Variants in NRXN1 observed in about 807,000 individuals in gnomAD.
NRXN1 encodes neurexin-1.
A neutral mutation model predicts 150.9 loss-of-function variants in NRXN1; 39 were observed. The observed-to-expected ratio is 0.26, with a 90% confidence interval of 0.20 to 0.34. NRXN1 has a LOEUF of 0.34. Among genes scored for constraint, NRXN1 ranks in the 10% least tolerant of loss-of-function variants. The pLI is 1.00. For synonymous variants in NRXN1, 924 were observed against 757.0 expected (o/e 1.22, Z -3.62); for missense variants, 1,815 against 1,949.9 (o/e 0.93, Z 1.30).
chr2:50,951,079 A>C (rs1691249964), intron 2 of NRXN1, among the ~76,000 whole-genome samples: 1 of 152,194 alleles, frequency 6.6e-6, no homozygotes, highest in East Asian at 1.9e-4. Flanking sequence ...CTGGGAATTA[A>C]TGTATTAGAT....
At chr2:50,922,270 TA>T (rs1241869035) in intron 4 of NRXN1, among the ~76,000 whole-genome samples, 1 of 151,874 alleles carries the variant, frequency 6.6e-6, no homozygotes, top group Non-Finnish European at 1.5e-5. Context: ...AAAATGGACT[TA>T]TTTTTTGGAT....
rs567844236 is a variant in NRXN1 at position 50,853,691 on chromosome 2, A to AC, written c.832+68177dup. Among the ~76,000 whole-genome samples, 12 of 152,216 alleles carry AC rather than the reference A, an allele frequency of 7.9e-5. No homozygotes were observed. The South Asian group carries it at 2.5e-3, about 32-fold the overall frequency. On this transcript the variant is annotated intron_variant, in intron 5 of 22. Coordinates refer to ENST00000401669, the MANE Select transcript of NRXN1 (RefSeq NM_001330078.2). ...ACTCAGATGTCTAGCTTTCCCTGCA[A>AC]CCATGCATATCCCTTACTGGATAAA... is the stretch of plus-strand genomic sequence containing the variant.
chr2:50,999,715 G>A (rs748041978), intron 2 of NRXN1, among the ~76,000 whole-genome samples: 7 of 151,924 alleles, frequency 4.6e-5, no homozygotes, highest in Non-Finnish European at 1.0e-4. Flanking sequence ...CAAACATTTT[G>A]GAGCCATCTC....
chr2:49,948,717 T>C (rs963897469), intron 21 of NRXN1, among the ~76,000 whole-genome samples: 2 of 151,990 alleles, frequency 1.3e-5, no homozygotes, highest in African/African-American at 4.8e-5. Flanking sequence ...TGCTATGACT[T>C]GCTGTTGAGA....
At chr2:50,011,011 T>G (rs1017176033) in intron 21 of NRXN1, among the ~76,000 whole-genome samples, 3 of 152,198 alleles carry the variant, frequency 2.0e-5, no homozygotes, top group Admixed American at 1.3e-4. Context: ...TATTTGTTTT[T>G]CCAAAATTAT....
chr2:50,347,552 CG>C lies in NRXN1; in HGVS notation c.3365-110583del, dbSNP rs1419121946. ...GCGCCAGCCTCCCCCGGGCAGCGCGCGGAGCAGCGGCGCGCATCGCCTGCTC... is the reference window on the plus strand; with the variant it reads ...GCGCCAGCCTCCCCCGGGCAGCGCGCGAGCAGCGGCGCGCATCGCCTGCTC... On this transcript the variant is annotated intron_variant, in intron 17 of 22. Transcript: ENST00000401669. The surrounding 1 kb of genome is among the most constrained non-coding windows in gnomAD (Gnocchi z 4.9). 3.9e-6 allele frequency: 4 copies of C among 1,027,244 alleles called. No individual in the cohort carries two copies. Among genetic ancestry groups the C allele is most frequent in the Non-Finnish European group, 4.7e-6 (4 of 854,958 alleles). The allele number at this position is 1,027,244 out of a possible 1,614,324, so 63.6% of individuals were successfully genotyped here.
intron 2 of NRXN1, among the ~76,000 whole-genome samples, chr2:50,935,402 G>T (rs529378282): frequency 1.3e-5 from 2 of 152,208 alleles, no homozygotes; most frequent in East Asian, 3.9e-4. Flanking sequence ...ATGAACCAAT[G>T]AGAAGGCAAA....
intron 17 of NRXN1, among the ~76,000 whole-genome samples, chr2:50,448,168 G>T (rs768845659): frequency 5.9e-5 from 9 of 152,000 alleles, no homozygotes; most frequent in Non-Finnish European, 1.2e-4. Context: ...CAAAGCAGGG[G>T]TTAGTCAGAT....
intron 18 of NRXN1, among the ~76,000 whole-genome samples, chr2:50,190,702 TC>T: frequency 6.8e-6 from 1 of 147,708 alleles, no homozygotes; most frequent in East Asian, 2.0e-4. Flanking sequence ...AACCTCCACC[TC>T]CCAAGTTCAA....
At position 50,129,242 on chromosome 2, in the gene NRXN1, G is replaced by A. The variant is rs114958631; in HGVS notation, c.3547-37748C>T. 6.9e-3 allele frequency among the ~76,000 whole-genome samples: 1,056 copies of A among 152,034 alleles called. 14 individuals are homozygous for A. Among genetic ancestry groups the A allele is most frequent in the African/African-American group, 0.025 (1,017 of 41,486 alleles). On this transcript the variant is annotated intron_variant, in intron 18 of 22. Transcript: ENST00000401669. ...ATAACTGATGCAAAACTGGAGGAAC[G>A]CAAAGTCAGCTTTCTTTGATCAAAG...
intron 5 of NRXN1, among the ~76,000 whole-genome samples, chr2:50,644,424 C>A (rs1684503558): frequency 6.6e-6 from 1 of 151,726 alleles, no homozygotes; most frequent in Admixed American, 6.6e-5. Context: ...ATGATTCCTA[C>A]AAATTTTAGA....
chr2:50,230,392 A>G (rs776023363), intron 18 of NRXN1, among the ~76,000 whole-genome samples: 3 of 152,138 alleles, frequency 2.0e-5, no homozygotes, highest in Non-Finnish European at 4.4e-5. Flanking sequence ...TGCTGAAGAC[A>G]TTAAATTTTA....
At chr2:50,022,880 T>C (rs1354406139) in intron 21 of NRXN1, 1 of 152,332 alleles carries the variant, frequency 6.6e-6, no homozygotes, top group East Asian at 1.9e-4. Flanking sequence ...GAATATCTTA[T>C]ATAGTAGGTA....
chr2:50,629,327 C>G (rs6733053), intron 5 of NRXN1, among the ~76,000 whole-genome samples: 7,445 of 151,496 alleles, frequency 0.049, 319 homozygotes, highest in East Asian at 0.11. Flanking sequence ...ACAGATAAAT[C>G]TCACAATAAT....
chr2:50,045,561 T>C (rs147936032), intron 21 of NRXN1, among the ~76,000 whole-genome samples: 17 of 152,236 alleles, frequency 1.1e-4, no homozygotes, highest in Non-Finnish European at 1.9e-4. Flanking sequence ...GATTATTATA[T>C]GTAAGAGATG....
In NRXN1 at chr2:50,172,387, T is replaced by C. The variant is rs2060085463; in HGVS notation, c.3546+64402A>G. Among the ~76,000 whole-genome samples, 2 of 152,174 alleles carry C rather than the reference T, an allele frequency of 1.3e-5. 1 individual carries two copies. Among genetic ancestry groups the C allele is most frequent in the South Asian group, 4.1e-4 (2 of 4,826 alleles). On this transcript the variant is annotated intron_variant, in intron 18 of 22. Transcript: ENST00000401669. Reference sequence around the variant, plus strand: ...AGACACAGGGAGGCCCTTGAAGGACTCTCTAGCTTGATGTTCTTCTTGGAA... The same window carrying C: ...AGACACAGGGAGGCCCTTGAAGGACCCTCTAGCTTGATGTTCTTCTTGGAA...
At position 50,495,963 on chromosome 2, in the gene NRXN1, C is replaced by T. The variant is rs201118246; in HGVS notation, c.3012G>A (p.Lys1004=). The change falls in exon 15 of 23, where the codon AAG becomes AAA. Residue 1004 remains lysine (K), a synonymous_variant. Coordinates refer to ENST00000401669, the MANE Select transcript of NRXN1 (RefSeq NM_001330078.2). ...TTTGCGTTGTGATTTTTGTGTCAAT[C>T]TTTACAGTGTGGAGGTTGCTGGTGT... ...SRDTSNLHTV[K]IDTKITTQIT... 1.6e-5 allele frequency: 26 copies of T among 1,611,958 alleles called. No individual in the cohort carries two copies. Among genetic ancestry groups the T allele is most frequent in the Non-Finnish European group, 2.2e-5 (26 of 1,179,276 alleles).
At chr2:50,790,805 G>A (rs1288333414) in intron 5 of NRXN1, among the ~76,000 whole-genome samples, 2 of 152,040 alleles carry the variant, frequency 1.3e-5, no homozygotes, top group Admixed American at 1.3e-4. Context: ...GACTGGGAGG[G>A]TTTTCTTCCC....
At chr2:50,724,057 A>G (rs1438164310) in intron 5 of NRXN1, among the ~76,000 whole-genome samples, 1 of 152,222 alleles carries the variant, frequency 6.6e-6, no homozygotes. Context: ...TACAAGATCC[A>G]TTGTGATGAT....
Sources: allele counts gnomAD v4.1 joint callset (sites outside exome capture counted in the v4.1 genomes callset), GRCh38; gene constraint gnomAD v4.1.1; non-coding constraint Gnocchi (gnomAD v3.1); transcripts MANE v1.5; gene names NCBI Gene and HGNC (gene_info 2026-07-23, HGNC 2026-07-21).